Variants in PIBF1 observed in about 807,000 individuals in gnomAD.
PIBF1 encodes progesterone-induced-blocking factor 1.
In PIBF1, 90 loss-of-function variants were observed where a neutral mutation model predicts 112.5. The observed-to-expected ratio is 0.80, with a 90% CI of 0.67 to 0.95. The LOEUF is 0.95. Ranked by LOEUF, PIBF1 falls within the 40% of genes least tolerant of loss-of-function variation. The pLI is 0.00. For synonymous variants in PIBF1, 301 were observed against 288.6 expected, an observed-to-expected ratio of 1.04 and a Z score of -0.44; for missense variants, 915 against 852.3, an observed-to-expected ratio of 1.07 and a Z score of -0.92.
intron 3 of PIBF1, among the ~76,000 whole-genome samples, chr13:72,792,831 C>T (rs1035093793): frequency 2.0e-5 from 3 of 152,282 alleles, no homozygotes; most frequent in East Asian, 1.9e-4. Context: ...TCTTCTTTTA[C>T]GCAACATATT....
At chr13:72,845,395 C>T (rs939763328) in intron 9 of PIBF1, among the ~76,000 whole-genome samples, 2 of 152,140 alleles carry the variant, frequency 1.3e-5, no homozygotes, top group African/African-American at 4.8e-5. Flanking sequence ...CATTGATGGG[C>T]ATTTGGGTTG....
intron 17 of PIBF1, among the ~76,000 whole-genome samples, chr13:73,012,328 G>C (rs920231843): frequency 1.3e-5 from 2 of 151,986 alleles, no homozygotes; most frequent in Non-Finnish European, 2.9e-5. Context: ...CTGCAGCCTG[G>C]ACAACAAAGT....
At chr13:72,900,523 G>A (rs1003495229) in intron 11 of PIBF1, among the ~76,000 whole-genome samples, 1 of 152,158 alleles carries the variant, frequency 6.6e-6, no homozygotes, top group Admixed American at 6.5e-5. Context: ...TCAATAAATG[G>A]TGCTGGGATA....
intron 1 of PIBF1, among the ~76,000 whole-genome samples, chr13:72,782,740 A>T (rs2034346626): frequency 6.6e-6 from 1 of 152,142 alleles, no homozygotes; most frequent in African/African-American, 2.4e-5. Flanking sequence ...TGTTGTTTTC[A>T]TTCTGCTATC....
chr13:72,908,441 AAAG>A (rs765876254), intron 11 of PIBF1, 87 bp from the exon 12 acceptor site: 31 of 622,172 alleles, frequency 5.0e-5, no homozygotes, highest in Admixed American at 7.4e-5. Context: ...AATAACAAAA[AAAG>A]CCCTATGAAT....
intron 11 of PIBF1, among the ~76,000 whole-genome samples, chr13:72,898,061 C>G (rs1192999343): frequency 6.6e-6 from 1 of 152,040 alleles, no homozygotes; most frequent in Non-Finnish European, 1.5e-5. Context: ...ATCTGATAGG[C>G]CATAAAATGA....
intron 17 of PIBF1, among the ~76,000 whole-genome samples, chr13:73,008,455 G>A (rs2044104068): frequency 6.6e-6 from 1 of 152,138 alleles, no homozygotes; most frequent in Non-Finnish European, 1.5e-5. Context: ...GAAACTTTAT[G>A]CCCAGACTTA....
intron 11 of PIBF1, among the ~76,000 whole-genome samples, chr13:72,903,356 T>C (rs2040573851): frequency 6.6e-6 from 1 of 152,230 alleles, no homozygotes. Context: ...TAGTATGCAG[T>C]ACTTTGTAAC....
chr13:73,010,196 A>C (rs1028112423), intron 17 of PIBF1, among the ~76,000 whole-genome samples: 11 of 147,654 alleles, frequency 7.4e-5, no homozygotes, highest in Non-Finnish European at 1.2e-4. Context: ...ACTTACCCCC[A>C]CTATGGCCAA....
At chr13:72,968,274 G>GTTGTTC (rs1421893950) in intron 15 of PIBF1, among the ~76,000 whole-genome samples, 4 of 151,504 alleles carry the variant, frequency 2.6e-5, no homozygotes, top group African/African-American at 7.3e-5. Context: ...TTGGGGTTTT[G>GTTGTTC]TTGTTGTTGT....
chr13:72,872,830 TAAAC>T (rs1294702792), intron 10 of PIBF1, among the ~76,000 whole-genome samples: 2 of 152,108 alleles, frequency 1.3e-5, no homozygotes, highest in Non-Finnish European at 2.9e-5. Flanking sequence ...TTTTCTAAAA[TAAAC>T]CTTTACAACA....
chr13:72,910,980 A>G (rs1443788771), intron 12 of PIBF1, among the ~76,000 whole-genome samples: 1 of 152,142 alleles, frequency 6.6e-6, no homozygotes, highest in Admixed American at 6.5e-5. Flanking sequence ...TATTTCATTC[A>G]TATGGAGTGC....
At chr13:72,782,444 G>C (rs2034318171) in intron 1 of PIBF1, 95 bp downstream of exon 1, 1 of 152,194 alleles carries the variant, frequency 6.6e-6, no homozygotes. Flanking sequence ...CGAGTGTATA[G>C]GCAGTCCCCG....
chr13:72,945,600 G>A (rs1297446372), intron 14 of PIBF1, among the ~76,000 whole-genome samples: 1 of 152,060 alleles, frequency 6.6e-6, no homozygotes, highest in Non-Finnish European at 1.5e-5. Context: ...CCTCATTGTA[G>A]TTTTGATATG....
rs558924881 is a variant in PIBF1 at position 72,965,622 on chromosome 13, A to G, written c.1964+218A>G. 2.6e-5 allele frequency among the ~76,000 whole-genome samples: 4 copies of G among 152,314 alleles called. No individual in the cohort carries two copies. In the South Asian group the frequency reaches 6.2e-4, roughly 24 times the overall value. On this transcript the variant is annotated intron_variant, in intron 15 of 17. Coordinates refer to ENST00000326291, the MANE Select transcript of PIBF1 (RefSeq NM_006346.4). ...CAGATGTCTTAGCATGGAAATAACA[A>G]TGTTACACTTATGAGCATAACATTC...
chr13:73,014,142 T>G (rs983566943), intron 17 of PIBF1, among the ~76,000 whole-genome samples: 1 of 150,124 alleles, frequency 6.7e-6, no homozygotes, highest in Admixed American at 6.7e-5. Flanking sequence ...CCCAGCTAAT[T>G]TGTGTATTGT....
intron 10 of PIBF1, among the ~76,000 whole-genome samples, chr13:72,876,948 A>G (rs1332044512): frequency 1.3e-5 from 2 of 152,056 alleles, no homozygotes; most frequent in Admixed American, 1.3e-4. Flanking sequence ...TTCGAATATG[A>G]TGTTGAAAAG....
chr13:72,828,206 T>A (rs2036912374), intron 8 of PIBF1, among the ~76,000 whole-genome samples: 1 of 152,028 alleles, frequency 6.6e-6, no homozygotes, highest in African/African-American at 2.4e-5. Flanking sequence ...ATGTATCCAT[T>A]AGGATAATTT....
intron 10 of PIBF1, among the ~76,000 whole-genome samples, chr13:72,880,847 G>A (rs1163494006): frequency 6.6e-6 from 1 of 152,052 alleles, no homozygotes; most frequent in Non-Finnish European, 1.5e-5. Flanking sequence ...TTGTTACTTA[G>A]CCCAGAAATT....
Sources: allele counts gnomAD v4.1 joint callset (sites outside exome capture counted in the v4.1 genomes callset), GRCh38; gene constraint gnomAD v4.1.1; transcripts MANE v1.5; gene names NCBI Gene and HGNC (gene_info 2026-07-23, HGNC 2026-07-21).